The following PTPRK variants were observed in gnomAD, a reference collection of about 807,000 sequenced individuals.
PTPRK encodes receptor-type tyrosine-protein phosphatase kappa.
In PTPRK, 75 loss-of-function variants were observed where a neutral mutation model predicts 178.0. The observed-to-expected ratio is 0.42, with a 90% CI of 0.35 to 0.51. The LOEUF (loss-of-function observed/expected upper bound fraction) is 0.51. PTPRK is among the 20% of genes least tolerant of loss of function. The probability of loss-of-function intolerance (pLI) is 0.02; values close to 1 mark genes in which losing one functional copy is unlikely to be tolerated. For synonymous variants in PTPRK, 637 were observed against 620.6 expected (o/e 1.03, Z -0.39); for missense variants, 1,441 against 1,797.8 (o/e 0.80, Z 3.59).
At chr6:128,431,381 C>CAAAATA (rs1464186564) in intron 1 of PTPRK, among the ~76,000 whole-genome samples, 1 of 151,870 alleles carries the variant, frequency 6.6e-6, no homozygotes, top group Non-Finnish European at 1.5e-5. Context: ...AAAAAGAATA[C>CAAAATA]AAAATATCTT....
chr6:128,351,748 T>C (rs962905146), intron 2 of PTPRK, among the ~76,000 whole-genome samples: 6 of 152,094 alleles, frequency 3.9e-5, no homozygotes, highest in African/African-American at 1.4e-4. Flanking sequence ...ATAGTCAAAA[T>C]GACAAAGGGT....
At chr6:128,119,860 CAATAGCTATAT>C (rs1362638570) in intron 7 of PTPRK, among the ~76,000 whole-genome samples, 1 of 152,026 alleles carries the variant, frequency 6.6e-6, no homozygotes, top group African/African-American at 2.4e-5. Flanking sequence ...ATGTATTCAG[CAATAGCTATAT>C]ACCAGGCAAT....
chr6:128,193,592 T>C (rs1193630842), intron 6 of PTPRK, among the ~76,000 whole-genome samples: 1 of 152,128 alleles, frequency 6.6e-6, no homozygotes, highest in Non-Finnish European at 1.5e-5. Flanking sequence ...CAAGTCCCCA[T>C]GTGATATGTA....
intron 1 of PTPRK, among the ~76,000 whole-genome samples, chr6:128,442,007 G>A (rs1846345889): frequency 6.6e-6 from 1 of 152,156 alleles, no homozygotes; most frequent in South Asian, 2.1e-4. Flanking sequence ...ACCGATCTAG[G>A]AGTCATCAAA....
intron 10 of PTPRK, 45 bp downstream of exon 10, chr6:128,082,392 C>A: frequency 6.6e-7 from 1 of 1,515,428 alleles, no homozygotes. Flanking sequence ...CCATTACAAA[C>A]CAATGGCATA....
chr6:128,087,340 G>A (rs1206410469), intron 8 of PTPRK, among the ~76,000 whole-genome samples: 1 of 151,754 alleles, frequency 6.6e-6, no homozygotes, highest in Non-Finnish European at 1.5e-5. Context: ...TTTAAGGGTA[G>A]GCAATAAAAC....
At chr6:128,014,709 A>G (rs1779415932) in intron 13 of PTPRK, among the ~76,000 whole-genome samples, 1 of 151,608 alleles carries the variant, frequency 6.6e-6, no homozygotes, top group South Asian at 2.1e-4. Flanking sequence ...ATAAATATAC[A>G]ATGACAGGTT....
intron 8 of PTPRK, among the ~76,000 whole-genome samples, chr6:128,084,693 C>T (rs887149736): frequency 4.5e-4 from 68 of 152,306 alleles, no homozygotes; most frequent in African/African-American, 1.5e-3. Context: ...AAAATTCTTT[C>T]GCTATCGTGT....
intron 6 of PTPRK, among the ~76,000 whole-genome samples, chr6:128,210,715 A>G (rs1263452722): frequency 6.6e-6 from 1 of 152,002 alleles, no homozygotes; most frequent in Non-Finnish European, 1.5e-5. Flanking sequence ...TTTCCCCCTT[A>G]ATGTGAAGGG....
At chr6:127,973,198 C>A (rs776399168) in intron 28 of PTPRK, 41 bp from the exon 29 acceptor site, 3 of 1,611,726 alleles carry the variant, frequency 1.9e-6, no homozygotes, top group Non-Finnish European at 2.5e-6. Flanking sequence ...ATAGCAGCAC[C>A]AAGTGACCAC....
chr6:128,206,540 T>C (rs1807006107), intron 6 of PTPRK, among the ~76,000 whole-genome samples: 1 of 152,088 alleles, frequency 6.6e-6, no homozygotes, highest in Non-Finnish European at 1.5e-5. Context: ...AAACTCGCTG[T>C]AGATAAACTA....
At chr6:128,421,062 ATCAT>A (rs1391332101) in intron 1 of PTPRK, among the ~76,000 whole-genome samples, 1 of 150,562 alleles carries the variant, frequency 6.6e-6, no homozygotes, top group African/African-American at 2.5e-5. Context: ...AAAAAACACA[ATCAT>A]TCTTTTCCAT....
intron 2 of PTPRK, among the ~76,000 whole-genome samples, chr6:128,333,727 T>C (rs1215981186): frequency 6.6e-6 from 1 of 152,176 alleles, no homozygotes; most frequent in Non-Finnish European, 1.5e-5. Flanking sequence ...TAAGGCTGTT[T>C]CACTTTCTTA....
chr6:128,080,249 C>T (rs937611054), intron 10 of PTPRK, among the ~76,000 whole-genome samples: 3 of 151,932 alleles, frequency 2.0e-5, no homozygotes, highest in Non-Finnish European at 4.4e-5. Flanking sequence ...GTGCCGGGAA[C>T]TTTGGGCTCA....
At chr6:128,031,443 C>T (rs771781328) in intron 13 of PTPRK, among the ~76,000 whole-genome samples, 39 of 152,146 alleles carry the variant, frequency 2.6e-4, no homozygotes, top group Non-Finnish European at 4.9e-4. Flanking sequence ...ATAAATGCTG[C>T]AGAGTAATTT....
intron 7 of PTPRK, among the ~76,000 whole-genome samples, chr6:128,151,070 T>C (rs1797177912): frequency 6.6e-6 from 1 of 152,168 alleles, no homozygotes; most frequent in Admixed American, 6.6e-5. Context: ...GATTGATATT[T>C]CAGGCTGTGA....
In PTPRK at chr6:127,968,919, T is replaced by A. The variant is rs1013049846; in HGVS notation, c.*1308A>T. On this transcript the variant is annotated 3_prime_UTR_variant, in exon 30 of 30. Coordinates refer to ENST00000368226, the MANE Select transcript of PTPRK (RefSeq NM_002844.4). ...CAAACTGCAAGCTGATGATGTGAAG[T>A]TACAGCTACGTGGAGCATGTGAACA... 6.6e-6 allele frequency: 1 copy of A among 152,220 alleles called. No homozygotes were observed. The highest frequency in any genetic ancestry group is 1.5e-5 in the Non-Finnish European group (1 of 68,032). The allele number at this position is 152,220 out of a possible 1,614,324, so 9.4% of individuals were successfully genotyped here. A position where few individuals can be genotyped will look rare whatever the true frequency, so the allele number is the denominator to read the frequency against.
At chr6:128,131,363 T>C (rs752866460) in intron 7 of PTPRK, among the ~76,000 whole-genome samples, 26 of 152,178 alleles carry the variant, frequency 1.7e-4, no homozygotes, top group Non-Finnish European at 2.8e-4. Flanking sequence ...AAACCATGCC[T>C]GACTTAATAA....
chr6:128,173,603 C>A (rs1452158186), intron 7 of PTPRK, among the ~76,000 whole-genome samples: 1 of 151,944 alleles, frequency 6.6e-6, no homozygotes, highest in Non-Finnish European at 1.5e-5. Flanking sequence ...CAGAGATTTG[C>A]CTTCTAAAAC....
Sources: gnomAD v4.1 joint callset for allele counts (sites outside exome capture counted in the v4.1 genomes callset) on GRCh38, gnomAD v4.1.1 for gene constraint, MANE v1.5 for transcripts, NCBI Gene and HGNC (gene_info 2026-07-23, HGNC 2026-07-21) for gene names.